The following WSB1 variants were observed in gnomAD, a reference collection of about 807,000 sequenced individuals.
WSB1 encodes the protein WD repeat and SOCS box containing 1, also known as WD repeat and SOCS box-containing protein 1.
A neutral mutation model predicts 50.2 loss-of-function variants in WSB1; 23 were observed. The observed-to-expected ratio is 0.46, with a 90% CI of 0.33 to 0.65. WSB1 has a LOEUF of 0.65. WSB1 is among the 30% of genes least tolerant of loss of function. The pLI is 0.02. For missense variants in WSB1, 492 were observed against 522.3 expected, an observed-to-expected ratio of 0.94 and a Z score of 0.56; for synonymous variants, 179 against 172.0, an observed-to-expected ratio of 1.04 and a Z score of -0.32.
chr17:27,300,326 A>G (rs2017175156), intron 1 of WSB1, among the ~76,000 whole-genome samples: 1 of 152,208 alleles, frequency 6.6e-6, no homozygotes, highest in African/African-American at 2.4e-5. Flanking sequence ...TGACCAGACA[A>G]CTGACCACAA....
At chr17:27,309,424 C>T in intron 6 of WSB1, 152 bp downstream of exon 6, 1 of 694,286 alleles carries the variant, frequency 1.4e-6, no homozygotes, top group Non-Finnish European at 2.2e-6. Context: ...AATGGAAAGC[C>T]TTCGATATAA....
At position 27,310,189 on chromosome 17, in the gene WSB1, T is replaced by C. The variant is rs2017621611; in HGVS notation, c.998+15T>C. The C allele has an allele frequency of 6.2e-7, 1 of 1,608,280 alleles. No homozygotes were observed. Among genetic ancestry groups the C allele is most frequent in the African/African-American group, 1.3e-5 (1 of 74,928 alleles). The stretch of plus-strand genomic sequence containing the variant: ...GCTGATGATAAGTAAGTATGTGCAT[T>C]ATAGCTTGACTGACTTACTATTACC... On this transcript the variant is annotated intron_variant, in intron 7 of 8. Transcript: ENST00000262394.
intron 4 of WSB1, among the ~76,000 whole-genome samples, chr17:27,305,333 TACCA>T (rs2017403328): frequency 6.6e-6 from 1 of 152,236 alleles, no homozygotes. Context: ...ATGACCTACA[TACCA>T]GAACTTATAA....
At position 27,309,589 on chromosome 17, in the gene WSB1, A is replaced by ATT. The variant is rs397857862; in HGVS notation, c.884+330_884+331dup. On this transcript the variant is annotated intron_variant, in intron 6 of 8. Transcript: ENST00000262394. ...ATCTTACTGTCTTAAATCATAAAAGATTTTTTTTTTTTTTGACAGAGTCTT... is the reference window on the plus strand; with the variant it reads ...ATCTTACTGTCTTAAATCATAAAAGATTTTTTTTTTTTTTTTGACAGAGTCTT... Among the ~76,000 whole-genome samples, 272 of 147,062 alleles carry ATT rather than the reference A, an allele frequency of 1.8e-3. 1 individual carries two copies. The highest frequency in any genetic ancestry group is 3.4e-3 in the Middle Eastern group (1 of 290).
chr17:27,304,929 G>A lies in WSB1; in HGVS notation c.610+18G>A, dbSNP rs779772046. 1 of 1,613,066 alleles carries A rather than the reference G, an allele frequency of 6.2e-7. No homozygotes were observed. Among genetic ancestry groups the A allele is most frequent in the Admixed American group, 1.7e-5 (1 of 59,964 alleles). On this transcript the variant is annotated intron_variant, in intron 4 of 8. Coordinates refer to ENST00000262394, the MANE Select transcript of WSB1 (RefSeq NM_015626.10). ...AGATGATGGTATGTCTTTTTTCCAAGCTATGAACTAGGATTTGTTTCTTGA... is the reference window on the plus strand; with the variant it reads ...AGATGATGGTATGTCTTTTTTCCAAACTATGAACTAGGATTTGTTTCTTGA...
chr17:27,308,562 G>C, intron 5 of WSB1: 4 of 985,862 alleles, frequency 4.1e-6, no homozygotes, highest in Non-Finnish European at 4.8e-6. Context: ...TCATTTGGCT[G>C]TGAATATTCT....
chr17:27,312,409 C>T lies in WSB1; in HGVS notation c.*40C>T. 3 of 1,593,766 alleles carry T rather than the reference C, an allele frequency of 1.9e-6. No individual in the cohort carries two copies. The highest frequency in any genetic ancestry group is 2.6e-6 in the Non-Finnish European group (3 of 1,174,746). ...CCTAGTAGTAGGGACTGACAGAATA[C>T]ACTTAACACAAACCTCAAGCTTTAC... On this transcript the variant is annotated 3_prime_UTR_variant, in exon 9 of 9. Transcript: ENST00000262394.
chr17:27,304,946 G>C, intron 4 of WSB1, 35 bp downstream of exon 4: 1 of 1,611,772 alleles, frequency 6.2e-7, no homozygotes, highest in Non-Finnish European at 8.5e-7. Flanking sequence ...ACTAGGATTT[G>C]TTTCTTGATA....
chr17:27,294,155 C>T lies in WSB1; in HGVS notation c.-241C>T, dbSNP rs1351144317. 2 of 362,878 alleles carry T rather than the reference C, an allele frequency of 5.5e-6. No individual in the cohort carries two copies. Among genetic ancestry groups the T allele is most frequent in the African/African-American group, 4.2e-5 (2 of 47,538 alleles). The allele number at this position is 362,878 out of a possible 1,614,324, so 22.5% of individuals were successfully genotyped here. A position where few individuals can be genotyped will look rare whatever the true frequency, so the allele number is the denominator to read the frequency against. On this transcript the variant is annotated 5_prime_UTR_variant, in exon 1 of 9. Transcript: ENST00000262394. The stretch of plus-strand genomic sequence containing the variant: ...TCGGCGCTTTAGGGGAACTGTCTTC[C>T]TCCGCAGGCGCGAGGCTGGGTACAG...
rs1188927958 is a variant in WSB1, at chr17:27,309,084, T to C, written c.712-16T>C. 6.3e-7 allele frequency: 1 copy of C among 1,590,690 alleles called. No homozygotes were observed. The highest frequency in any genetic ancestry group is 1.7e-5 in the Admixed American group (1 of 57,214). On this transcript the variant is annotated splice_polypyrimidine_tract_variant and intron_variant, in intron 5 of 8. Transcript: ENST00000262394. ...TATGTCTGAATGAAGCTATAACATT[T>C]GCCTTTTTATTGCAGGTTTTCCTTT...
At chr17:27,311,026 T>A (rs916758919) in intron 7 of WSB1, among the ~76,000 whole-genome samples, 6 of 152,048 alleles carry the variant, frequency 3.9e-5, no homozygotes, top group South Asian at 2.1e-4. Context: ...TTTTAAAAAA[T>A]TTTTTGTAGA....
chr17:27,309,249 T>C lies in WSB1; in HGVS notation c.861T>C (p.Asn287=). The C allele has an allele frequency of 6.2e-7, 1 of 1,608,768 alleles. No individual in the cohort carries two copies. Residue 287 remains asparagine (N), a synonymous_variant, in exon 6 of 9, where the codon AAT becomes AAC. Coordinates refer to ENST00000262394, the MANE Select transcript of WSB1 (RefSeq NM_015626.10). Reference sequence around the variant, plus strand: ...GAGTATATATCTGGGATCCACATAATGGAGACATTCTGATGGAATTTGGGT... The same window carrying C: ...GAGTATATATCTGGGATCCACATAACGGAGACATTCTGATGGAATTTGGGT... ...DTRVYIWDPH[N]GDILMEFGHL...
At chr17:27,307,729 C>G in intron 5 of WSB1, 1 of 1,534,466 alleles carries the variant, frequency 6.5e-7, no homozygotes, top group Non-Finnish European at 8.7e-7. Context: ...ATGCTTCTTG[C>G]TTTCCCTGTC....
chr17:27,294,977 T>C (rs1320614740), intron 1 of WSB1, among the ~76,000 whole-genome samples: 2 of 152,194 alleles, frequency 1.3e-5, no homozygotes, highest in African/African-American at 4.8e-5. Flanking sequence ...TTTAGAATTA[T>C]CTTTCAAACA....
chr17:27,311,403 T>C, intron 7 of WSB1, 106 bp from the exon 8 acceptor site: 1 of 723,238 alleles, frequency 1.4e-6, no homozygotes, highest in South Asian at 2.0e-5. Flanking sequence ...GTGTGATGTG[T>C]GTATTTTGTG....
chr17:27,298,161 A>G (rs4795560), intron 1 of WSB1, among the ~76,000 whole-genome samples: 146,630 of 146,646 alleles, frequency 1, 73,307 homozygotes, highest in Middle Eastern at 1. Context: ...TCACGTATGA[A>G]AAATTTAAGT....
At position 27,303,590 on chromosome 17, in the gene WSB1, A is replaced by G. The variant is rs754323943; in HGVS notation, c.433A>G (p.Thr145Ala). ...TGGACAAGATCAGCTACTTCTTGCT[A>G]CAGGGTTGAACAATGGGCGTATCAA... Reference protein sequence around the residue: ...RFGQDQLLLATGLNNGRIKIW... With the variant: ...RFGQDQLLLAAGLNNGRIKIW... Residue 145 changes from threonine (T) to alanine (A), a missense_variant, in exon 3 of 9, where the codon ACA becomes GCA. By Grantham distance (58) the Thr-to-Ala change is moderately conservative (BLOSUM62 0). Transcript: ENST00000262394. 6.2e-7 allele frequency: 1 copy of G among 1,614,200 alleles called. No individual in the cohort carries two copies. Among genetic ancestry groups the G allele is most frequent in the South Asian group, 1.1e-5 (1 of 91,088 alleles).
At position 27,303,601 on chromosome 17, in the gene WSB1, C is replaced by T; in HGVS notation, c.444C>T (p.Asn148=). 6.2e-7 allele frequency: 1 copy of T among 1,614,088 alleles called. No individual in the cohort carries two copies. Among genetic ancestry groups the T allele is most frequent in the Non-Finnish European group, 8.5e-7 (1 of 1,179,996 alleles). The change falls in exon 3 of 9, where the codon AAC becomes AAT. Residue 148 remains asparagine, a synonymous_variant. Transcript: ENST00000262394. The part of the protein sequence containing the change: ...QDQLLLATGL[N]NGRIKIWDVY... The stretch of plus-strand genomic sequence containing the variant: ...AGCTACTTCTTGCTACAGGGTTGAA[C>T]AATGGGCGTATCAAAATATGGGATG...
In WSB1 at chr17:27,306,202, C is replaced by CTTTTTT. The variant is rs907711059; in HGVS notation, c.611-557_611-552dup. Among the ~76,000 whole-genome samples the CTTTTTT allele has an allele frequency of 1.1e-3, 71 of 63,142 alleles. 4 individuals are homozygous for CTTTTTT. The highest frequency in any genetic ancestry group is 1.5e-3 in the Non-Finnish European group (49 of 33,368). 41.4% of individuals were successfully genotyped at this position (63,142 alleles called of 152,430 possible). A position where few individuals can be genotyped will look rare whatever the true frequency, so the allele number is the denominator to read the frequency against. On this transcript the variant is annotated intron_variant, in intron 4 of 8. Transcript: ENST00000262394. Reference sequence around the variant, plus strand: ...GGGGATTGGACTAAAAGAATTCTGTCTTTTTTTTTTTTTTTTTTTTTTTTT... The same window carrying CTTTTTT: ...GGGGATTGGACTAAAAGAATTCTGTCTTTTTTTTTTTTTTTTTTTTTTTTTTTTTTT...
Sources: allele counts gnomAD v4.1 joint callset (sites outside exome capture counted in the v4.1 genomes callset), GRCh38; gene constraint gnomAD v4.1.1; transcripts MANE v1.5; gene names NCBI Gene and HGNC (gene_info 2026-07-23, HGNC 2026-07-21).